SYN2: variants seen among roughly 807,000 people sequenced by gnomAD.
SYN2 encodes synapsin-2.
A neutral mutation model predicts 50.9 loss-of-function variants in SYN2; 19 were observed. The observed-to-expected ratio is 0.37, with a 90% confidence interval of 0.26 to 0.55. The LOEUF is 0.55. Among genes scored for constraint, SYN2 ranks in the 20% least tolerant of loss-of-function variants. The probability of loss-of-function intolerance (pLI) is 0.81; values close to 1 mark genes in which losing one functional copy is unlikely to be tolerated. For missense variants in SYN2, 587 were observed against 576.4 expected (o/e 1.02, Z -0.19); for synonymous variants, 255 against 224.9 (o/e 1.13, Z -1.20).
chr3:12,063,239 C>G (rs973275170), intron 1 of SYN2, among the ~76,000 whole-genome samples: 2 of 151,864 alleles, frequency 1.3e-5, no homozygotes, highest in Admixed American at 6.6e-5. Flanking sequence ...TTTAAAAAAT[C>G]ACTTAGGGGA....
intron 1 of SYN2, among the ~76,000 whole-genome samples, chr3:12,012,401 A>G (rs1036577198): frequency 6.6e-6 from 1 of 152,234 alleles, no homozygotes; most frequent in African/African-American, 2.4e-5. Context: ...ATCAAAGCCT[A>G]GAACATTGCT....
rs1431300376 is a variant in SYN2, at chr3:12,191,863, C to T, written c.*1238C>T. 1.3e-5 allele frequency among the ~76,000 whole-genome samples: 2 copies of T among 152,118 alleles called. No individual in the cohort carries two copies. Among genetic ancestry groups the T allele is most frequent in the Non-Finnish European group, 2.9e-5 (2 of 68,026 alleles). ...CTGACAACCAGGCTCCCACAGATCT[C>T]AACGAAGGCATCCTAAAGAGGCCTG... On this transcript the variant is annotated 3_prime_UTR_variant, in exon 13 of 13. Coordinates refer to ENST00000621198, the MANE Select transcript of SYN2 (RefSeq NM_133625.6).
At chr3:12,078,007 G>A (rs550698473) in intron 1 of SYN2, among the ~76,000 whole-genome samples, 3 of 152,034 alleles carry the variant, frequency 2.0e-5, no homozygotes, top group Admixed American at 6.6e-5. Context: ...TTTAATAATC[G>A]CCATTCTGAC....
chr3:12,030,869 T>C (rs1694366338), intron 1 of SYN2, among the ~76,000 whole-genome samples: 1 of 133,590 alleles, frequency 7.5e-6, no homozygotes, highest in African/African-American at 2.8e-5. Context: ...TTTTTGTGTC[T>C]CTATTTCCTT....
At chr3:12,051,031 G>A (rs962561128) in intron 1 of SYN2, among the ~76,000 whole-genome samples, 10 of 152,122 alleles carry the variant, frequency 6.6e-5, no homozygotes, top group African/African-American at 1.7e-4. Context: ...CACCGCGCCC[G>A]GCCTCTTTTT....
chr3:12,181,484 GAGA>G (rs1428106891), intron 10 of SYN2, among the ~76,000 whole-genome samples: 2 of 152,354 alleles, frequency 1.3e-5, no homozygotes, highest in South Asian at 2.1e-4. Flanking sequence ...ATAAAGGAGG[GAGA>G]AGGCTAGAAA....
chr3:12,140,134 G>A (rs556857285), intron 1 of SYN2, among the ~76,000 whole-genome samples: 2 of 152,218 alleles, frequency 1.3e-5, no homozygotes, highest in Admixed American at 1.3e-4. Context: ...TTCATTGATT[G>A]TTCTTTAATC....
intron 1 of SYN2, among the ~76,000 whole-genome samples, chr3:12,069,606 T>A (rs1188569407): frequency 6.6e-6 from 1 of 152,132 alleles, no homozygotes; most frequent in Non-Finnish European, 1.5e-5. Flanking sequence ...TGCTGGCTGC[T>A]ATGATAATTC....
At chr3:12,141,257 T>C (rs1170962885) in intron 2 of SYN2, among the ~76,000 whole-genome samples, 1 of 151,996 alleles carries the variant, frequency 6.6e-6, no homozygotes, top group Non-Finnish European at 1.5e-5. Flanking sequence ...AGTGATTGGG[T>C]CCATTTGGGG....
chr3:12,102,230 AT>A (rs1696092846), intron 1 of SYN2, among the ~76,000 whole-genome samples: 1 of 152,154 alleles, frequency 6.6e-6, no homozygotes, highest in Admixed American at 6.5e-5. Flanking sequence ...AGCAAGCCAA[AT>A]ACCCAGCCAC....
intron 1 of SYN2, among the ~76,000 whole-genome samples, chr3:12,086,313 C>T (rs1294621109): frequency 1.3e-5 from 2 of 152,148 alleles, no homozygotes; most frequent in Non-Finnish European, 2.9e-5. Context: ...ACCAATCCTT[C>T]TCAAACTCTT....
At chr3:12,094,553 C>T (rs1422078149) in intron 1 of SYN2, among the ~76,000 whole-genome samples, 1 of 152,228 alleles carries the variant, frequency 6.6e-6, no homozygotes, top group Admixed American at 6.5e-5. Flanking sequence ...ATGCCATTTA[C>T]TTTTTGTGTA....
At chr3:12,180,201 G>A (rs557523913) in intron 10 of SYN2, among the ~76,000 whole-genome samples, 233 of 151,318 alleles carry the variant, frequency 1.5e-3, no homozygotes, top group Non-Finnish European at 2.8e-3. Context: ...CACGCACCTC[G>A]GCCTCCCACA....
At position 12,089,495 on chromosome 3, in the gene SYN2, G is replaced by A. The variant is rs115943872; in HGVS notation, c.378-51156G>A. 7.1e-3 allele frequency among the ~76,000 whole-genome samples: 1,074 copies of A among 152,240 alleles called. 13 individuals carry two copies. Among genetic ancestry groups the A allele is most frequent in the African/African-American group, 0.024 (989 of 41,536 alleles). On this transcript the variant is annotated intron_variant, in intron 1 of 12. Coordinates refer to ENST00000621198, the MANE Select transcript of SYN2 (RefSeq NM_133625.6). ...GGACACAGCCAAACCATATCAATGC[G>A]CAATCATTATTTCTCAAACATTTAA...
intron 10 of SYN2, among the ~76,000 whole-genome samples, chr3:12,174,523 A>T (rs950527066): frequency 6.6e-6 from 1 of 152,014 alleles, no homozygotes; most frequent in Non-Finnish European, 1.5e-5. Context: ...TTGCTCTGTC[A>T]CCAGGCTGGA....
At chr3:12,150,048 C>T (rs1433609108) in intron 4 of SYN2, among the ~76,000 whole-genome samples, 2 of 152,016 alleles carry the variant, frequency 1.3e-5, no homozygotes, top group East Asian at 1.9e-4. Flanking sequence ...AACCCAGTTC[C>T]GAGCTTTTAC....
chr3:12,101,155 T>C (rs748341652), intron 1 of SYN2, among the ~76,000 whole-genome samples: 2 of 152,196 alleles, frequency 1.3e-5, no homozygotes, highest in South Asian at 4.1e-4. Context: ...ACTGAAGATA[T>C]ATATCCACGC....
At chr3:12,088,156 C>T (rs973005885) in intron 1 of SYN2, among the ~76,000 whole-genome samples, 11 of 152,012 alleles carry the variant, frequency 7.2e-5, no homozygotes, top group African/African-American at 2.4e-4. Flanking sequence ...ATTTGCAAAC[C>T]GTACATCTGA....
chr3:12,129,789 T>C (rs1298123918), intron 1 of SYN2, among the ~76,000 whole-genome samples: 2 of 152,184 alleles, frequency 1.3e-5, no homozygotes, highest in Non-Finnish European at 2.9e-5. Context: ...AGTGTTGTTA[T>C]GGGCTGAATG....
Sources: gnomAD v4.1 joint callset for allele counts (sites outside exome capture counted in the v4.1 genomes callset) on GRCh38, gnomAD v4.1.1 for gene constraint, MANE v1.5 for transcripts, NCBI Gene and HGNC (gene_info 2026-07-23, HGNC 2026-07-21) for gene names.